ABR: variants seen among roughly 807,000 people sequenced by gnomAD.
The protein encoded by ABR is active breakpoint cluster region-related protein.
ABR carries 35 observed loss-of-function variants against 107.2 expected under a neutral mutation model. The ratio of observed to expected loss-of-function variants is 0.33; its 90% CI spans 0.25 to 0.43. ABR has a LOEUF of 0.43. ABR is among the 20% of genes least tolerant of loss of function. The pLI is 1.00. For synonymous variants in ABR, 498 were observed against 462.0 expected (o/e 1.08, Z -1.00); for missense variants, 815 against 1,115.2 (o/e 0.73, Z 3.83).
chr17:1,097,675 C>T (rs2037566260), intron 3 of ABR, among the ~76,000 whole-genome samples: 1 of 151,868 alleles, frequency 6.6e-6, no homozygotes, highest in Non-Finnish European at 1.5e-5. Context: ...ATTTGTATAC[C>T]CAGTTTGCAG....
chr17:1,056,046 T>C lies in ABR; in HGVS notation c.1550A>G (p.Lys517Arg), dbSNP rs34169260. 0.056 allele frequency: 90,684 copies of C among 1,613,852 alleles called. 2,907 individuals are homozygous for C. The highest frequency in any genetic ancestry group is 0.066 in the Non-Finnish European group (77,382 of 1,179,704). Residue 517 changes from lysine to arginine, a missense_variant, in exon 14 of 23, where the codon AAG becomes AGG. This residue lies in a region of ABR where 385 missense variants were observed against 596.9 expected (regional missense o/e 0.64). Transcript: ENST00000302538. The part of the protein sequence containing the change: ...HVIVHSAKGF[K>R]QSANLYCTLE... ...GCCAGGGCACTTACTGGCTGATTGC[T>C]TAAATCCCTTGGCAGAGTGGACGAT...
In ABR at chr17:1,179,646, G is replaced by T. The variant is rs201351606; in HGVS notation, c.61+21C>A. ...GTCCCGATCCCGATCCTGGGGTCCC[G>T]CCCCCGCCCGGCACACGTACTGCTG... On this transcript the variant is annotated intron_variant, in intron 1 of 22. Transcript: ENST00000302538. The surrounding 1 kb of genome is among the most constrained non-coding windows in gnomAD (Gnocchi z 4.9). The T allele has an allele frequency of 1.3e-6, 2 of 1,515,894 alleles. No individual in the cohort carries two copies. The highest frequency in any genetic ancestry group is 2.1e-5 in the Admixed American group (1 of 48,194). 93.9% of individuals were successfully genotyped at this position (1,515,894 alleles called of 1,614,324 possible).
At chr17:1,114,268 G>C (rs922536636) in intron 2 of ABR, among the ~76,000 whole-genome samples, 8 of 150,690 alleles carry the variant, frequency 5.3e-5, no homozygotes, top group African/African-American at 1.5e-4. Flanking sequence ...TCAGGAGTTC[G>C]TGACCAGCCT....
chr17:1,057,745 G>C (rs372569425), intron 12 of ABR: 1 of 511,442 alleles, frequency 2.0e-6, no homozygotes, highest in African/African-American at 1.9e-5. Context: ...GCCCAGGCTG[G>C]GCTCTGGGTC....
In ABR at chr17:1,011,050, G is replaced by A; in HGVS notation, c.2102-187C>T. 1 of 695,220 alleles carries A rather than the reference G, an allele frequency of 1.4e-6. No homozygotes were observed. The highest frequency in any genetic ancestry group is 2.4e-6 in the Non-Finnish European group (1 of 423,016). 43.1% of individuals were successfully genotyped at this position (695,220 alleles called of 1,614,324 possible). The stretch of plus-strand genomic sequence containing the variant: ...CTGTGGGTCGGGGTTGGGGGAACAG[G>A]GAGAGATAGCCTGGGGGCCATCTGC... On this transcript the variant is annotated intron_variant, in intron 19 of 22. Coordinates refer to ENST00000302538, the MANE Select transcript of ABR (RefSeq NM_021962.5). This position sits in a 1 kb window ranked among gnomAD's most constrained non-coding sequence, Gnocchi z 4.8.
chr17:1,105,496 G>C (rs1272192688), intron 2 of ABR, among the ~76,000 whole-genome samples: 2 of 152,068 alleles, frequency 1.3e-5, no homozygotes, highest in African/African-American at 4.8e-5. Context: ...ATCCAAATGG[G>C]GGATACAGGC....
At chr17:1,018,748 G>C (rs1413125842) in intron 16 of ABR, among the ~76,000 whole-genome samples, 1 of 152,224 alleles carries the variant, frequency 6.6e-6, no homozygotes, top group Non-Finnish European at 1.5e-5. Context: ...TGTTATGGAA[G>C]AGTGAGAGCA....
chr17:1,190,539 C>T (rs2042409448), upstream of ABR, among the ~76,000 whole-genome samples: 1 of 152,168 alleles, frequency 6.6e-6, no homozygotes, highest in Admixed American at 6.5e-5. Context: ...GAGACTGAGG[C>T]AGGAGAATCG....
intron 16 of ABR, among the ~76,000 whole-genome samples, chr17:1,021,351 A>AC (rs1459060301): frequency 6.6e-6 from 1 of 150,712 alleles, no homozygotes; most frequent in Non-Finnish European, 1.5e-5. Flanking sequence ...CCAGGAGCTG[A>AC]CCCCCCGAGG....
intron 16 of ABR, chr17:1,031,658 G>GA (rs2072778054): frequency 4.0e-6 from 5 of 1,257,108 alleles, no homozygotes; most frequent in South Asian, 2.8e-5. Context: ...TGTTGGGGGG[G>GA]CGCTTGCTCC....
At chr17:1,097,826 C>A (rs1013650506) in intron 3 of ABR, among the ~76,000 whole-genome samples, 1 of 152,160 alleles carries the variant, frequency 6.6e-6, no homozygotes, top group Non-Finnish European at 1.5e-5. Context: ...TTTTGGACAG[C>A]AATTCACGGT....
chr17:1,009,060 G>A (rs1335062122), intron 21 of ABR, among the ~76,000 whole-genome samples: 1 of 152,124 alleles, frequency 6.6e-6, no homozygotes, highest in Non-Finnish European at 1.5e-5. Context: ...CACCTTTTTT[G>A]ACTGTGGCCC....
rs934830080 is a variant in ABR, at chr17:1,155,927, C to G, written c.61+23740G>C. 2.3e-5 allele frequency: 3 copies of G among 133,184 alleles called. No individual in the cohort carries two copies. The East Asian group carries it at 7.1e-4, about 31-fold the overall frequency. 8.3% of individuals were successfully genotyped at this position (133,184 alleles called of 1,614,324 possible). A position where few individuals can be genotyped will look rare whatever the true frequency, so the allele number is the denominator to read the frequency against. On this transcript the variant is annotated intron_variant, in intron 1 of 22. Transcript: ENST00000302538. ...CCGAGATTGCGCCATTGCACTCCAG[C>G]CTGGGCAAAAGAGCGAAATTCCGTC... is the stretch of plus-strand genomic sequence containing the variant.
At position 1,078,784 on chromosome 17, in the gene ABR, G is replaced by A. The variant is rs943792202; in HGVS notation, c.700+546C>T. On this transcript the variant is annotated intron_variant, in intron 6 of 22. Transcript: ENST00000302538. This position sits in a 1 kb window ranked among gnomAD's most constrained non-coding sequence, Gnocchi z 7.5. ...CCGGCCCCCAGAGGTGGGAGGGTCC[G>A]CCACCTCCCACAGCGAGCACCTGGG... 2.5e-5 allele frequency: 38 copies of A among 1,533,778 alleles called. No individual in the cohort carries two copies. Among genetic ancestry groups the A allele is most frequent in the East Asian group, 1.7e-4 (7 of 40,880 alleles).
At chr17:1,208,651 G>A (rs1190195853) in intron 1 of ABR, among the ~76,000 whole-genome samples, 1 of 152,216 alleles carries the variant, frequency 6.6e-6, no homozygotes, top group Admixed American at 6.5e-5. Context: ...CACTTTGGGA[G>A]GCCGAGGCGG....
intron 10 of ABR, among the ~76,000 whole-genome samples, chr17:1,060,586 T>G (rs2033809609): frequency 6.6e-6 from 1 of 151,808 alleles, no homozygotes; most frequent in South Asian, 2.1e-4. Flanking sequence ...CAGTGGGAGG[T>G]GAGTGGCGAC....
chr17:1,085,683 C>T (rs950529129), intron 4 of ABR, among the ~76,000 whole-genome samples: 2 of 152,060 alleles, frequency 1.3e-5, no homozygotes, highest in African/African-American at 4.8e-5. Context: ...ACGTGCCGGA[C>T]ATGTAAAATA....
At chr17:1,031,048 TGGAC>T (rs2072690478) in intron 16 of ABR, among the ~76,000 whole-genome samples, 1 of 152,188 alleles carries the variant, frequency 6.6e-6, no homozygotes, top group Non-Finnish European at 1.5e-5. Context: ...CCCTGGCACA[TGGAC>T]GGAACGCCTG....
Position 1,084,990 on chromosome 17 carries a change from C to T in ABR, c.532-1363G>A, listed in dbSNP as rs1253557431. On this transcript the variant is annotated intron_variant, in intron 4 of 22. Transcript: ENST00000302538. This position sits in a 1 kb window ranked among gnomAD's most constrained non-coding sequence, Gnocchi z 4.2. ...GCTAATCTTGTATTTTTAGTAGAGA[C>T]GGCGTTTCTCCATATTGGTCAGGCT... is the stretch of plus-strand genomic sequence containing the variant. Among the ~76,000 whole-genome samples, 8 of 148,794 alleles carry T rather than the reference C, an allele frequency of 5.4e-5. No homozygotes were observed. Among genetic ancestry groups the T allele is most frequent in the Non-Finnish European group, 8.9e-5 (6 of 67,408 alleles).
Sources: gnomAD v4.1 joint callset for allele counts (sites outside exome capture counted in the v4.1 genomes callset) on GRCh38, gnomAD v4.1.1 for gene constraint, gnomAD v4.1.1 regional missense constraint, Gnocchi (gnomAD v3.1) non-coding constraint, MANE v1.5 for transcripts, NCBI Gene and HGNC (gene_info 2026-07-23, HGNC 2026-07-21) for gene names.